Variants in CSMD1 observed in about 807,000 individuals in gnomAD.
CSMD1 encodes CUB and Sushi multiple domains 1, also known as CUB and sushi domain-containing protein 1.
In CSMD1, 213 loss-of-function variants were observed where a neutral mutation model predicts 417.5. The ratio of observed to expected loss-of-function variants is 0.51; its 90% CI spans 0.46 to 0.57. The LOEUF (loss-of-function observed/expected upper bound fraction) is 0.57. Ranked by LOEUF, CSMD1 falls within the 20% of genes least tolerant of loss-of-function variation. The pLI is 0.00. For synonymous variants in CSMD1, 2,862 were observed against 1,736.8 expected (o/e 1.65, Z -16.11); for missense variants, 6,923 against 4,529.7 (o/e 1.53, Z -15.17).
intron 3 of CSMD1, among the ~76,000 whole-genome samples, chr8:4,405,507 G>C (rs927518141): frequency 1.3e-5 from 2 of 152,014 alleles, no homozygotes; most frequent in African/African-American, 2.4e-5. Context: ...GCAACACCCA[G>C]CACAGCGGCT....
intron 41 of CSMD1, among the ~76,000 whole-genome samples, chr8:3,129,633 G>C (rs1563070912): frequency 6.6e-6 from 1 of 151,604 alleles, no homozygotes; most frequent in Non-Finnish European, 1.5e-5. Context: ...AAATTAGCCA[G>C]GCATGGTGAC....
At chr8:3,885,586 C>G (rs553687661) in intron 5 of CSMD1, among the ~76,000 whole-genome samples, 3 of 152,298 alleles carry the variant, frequency 2.0e-5, no homozygotes, top group South Asian at 2.1e-4. Context: ...CAGTCATCAT[C>G]CAACATCAGA....
At chr8:4,906,239 G>A (rs895806953) in intron 1 of CSMD1, among the ~76,000 whole-genome samples, 1 of 152,170 alleles carries the variant, frequency 6.6e-6, no homozygotes, top group African/African-American at 2.4e-5. Flanking sequence ...AAATTCTGAA[G>A]ATGACACTTC....
intron 8 of CSMD1, chr8:3,613,300 C>A: frequency 2.4e-6 from 1 of 420,274 alleles, no homozygotes; most frequent in Non-Finnish European, 4.8e-6. Flanking sequence ...ATTCCAATTC[C>A]AGGTAGCTTC....
At chr8:3,651,865 G>A (rs528087294) in intron 7 of CSMD1, among the ~76,000 whole-genome samples, 2 of 144,458 alleles carry the variant, frequency 1.4e-5, no homozygotes, top group East Asian at 2.1e-4. Flanking sequence ...ACCACCATGA[G>A]CACACTTACC....
intron 1 of CSMD1, among the ~76,000 whole-genome samples, chr8:4,829,290 G>A (rs1000513760): frequency 2.6e-5 from 4 of 152,032 alleles, no homozygotes; most frequent in South Asian, 2.1e-4. Context: ...TTAGTCATAA[G>A]CTTTATCCCA....
intron 8 of CSMD1, chr8:3,598,354 A>C (rs1448332249): frequency 6.6e-6 from 1 of 152,098 alleles, no homozygotes; most frequent in African/African-American, 2.4e-5. Context: ...GTTTGCTTTA[A>C]CTTCTTGTCA....
At chr8:3,827,412 T>C (rs187549284) in intron 5 of CSMD1, among the ~76,000 whole-genome samples, 1 of 152,324 alleles carries the variant, frequency 6.6e-6, no homozygotes, top group Admixed American at 6.5e-5. Flanking sequence ...ACCTATATAG[T>C]TGGAAAAATA....
chr8:4,842,347 A>G (rs569790369), intron 1 of CSMD1, among the ~76,000 whole-genome samples: 4 of 152,314 alleles, frequency 2.6e-5, no homozygotes, highest in Admixed American at 2.6e-4. Flanking sequence ...TTAATATCTG[A>G]CTTTGGCTTA....
At chr8:4,069,634 C>A (rs1054410092) in intron 3 of CSMD1, among the ~76,000 whole-genome samples, 6 of 152,146 alleles carry the variant, frequency 3.9e-5, no homozygotes, top group Non-Finnish European at 7.3e-5. Flanking sequence ...TCCCCTCAAG[C>A]CTCTGCAGCT....
intron 3 of CSMD1, among the ~76,000 whole-genome samples, chr8:4,193,962 T>G (rs1349053281): frequency 6.6e-6 from 1 of 152,056 alleles, no homozygotes; most frequent in South Asian, 2.1e-4. Flanking sequence ...TAATTTATAT[T>G]CTTTCCTAAG....
chr8:4,409,784 A>G (rs1022413110), intron 3 of CSMD1, among the ~76,000 whole-genome samples: 17 of 152,238 alleles, frequency 1.1e-4, no homozygotes, highest in Non-Finnish European at 1.8e-4. Context: ...AATATCATAC[A>G]TAATTTGGAA....
At chr8:3,414,017 G>C (rs1475059299) in intron 12 of CSMD1, among the ~76,000 whole-genome samples, 1 of 151,234 alleles carries the variant, frequency 6.6e-6, no homozygotes, top group South Asian at 2.1e-4. Context: ...TGCACGCCTG[G>C]AATCCCAACT....
chr8:3,532,725 T>C (rs1214736901), intron 10 of CSMD1, among the ~76,000 whole-genome samples: 4 of 152,292 alleles, frequency 2.6e-5, no homozygotes, highest in South Asian at 2.1e-4. Context: ...AATAACACTT[T>C]CAGTATGTCA....
At chr8:3,414,848 A>C (rs960153566) in intron 12 of CSMD1, among the ~76,000 whole-genome samples, 3 of 152,074 alleles carry the variant, frequency 2.0e-5, no homozygotes, top group Non-Finnish European at 4.4e-5. Context: ...TTAACCATGC[A>C]CTGTTGATAT....
At chr8:4,545,704 C>G (rs1002102919) in intron 2 of CSMD1, among the ~76,000 whole-genome samples, 3 of 152,118 alleles carry the variant, frequency 2.0e-5, no homozygotes, top group African/African-American at 7.2e-5. Flanking sequence ...TCTGTTAAAG[C>G]TGATGCCAAC....
chr8:3,474,673 T>C (rs1042869183), intron 11 of CSMD1, among the ~76,000 whole-genome samples: 3 of 152,212 alleles, frequency 2.0e-5, no homozygotes, highest in African/African-American at 4.8e-5. Context: ...AAATTGGTTT[T>C]GGTATACAGA....
At chr8:4,653,017 C>G (rs746665551) in intron 1 of CSMD1, among the ~76,000 whole-genome samples, 11 of 152,058 alleles carry the variant, frequency 7.2e-5, no homozygotes, top group Non-Finnish European at 1.3e-4. Flanking sequence ...GGTCCGGTTC[C>G]TAACAGGCCA....
chr8:3,406,251 TA>T, intron 14 of CSMD1, 30 bp from the exon 15 acceptor site: 1 of 1,525,152 alleles, frequency 6.6e-7, no homozygotes, highest in East Asian at 2.4e-5. Context: ...AAAAAAGGAA[TA>T]AAAATACTTG....
Sources: gnomAD v4.1 joint callset for allele counts (sites outside exome capture counted in the v4.1 genomes callset) on GRCh38, gnomAD v4.1.1 for gene constraint, MANE v1.5 for transcripts, NCBI Gene and HGNC (gene_info 2026-07-23, HGNC 2026-07-21) for gene names.